Variants in EPN1 observed in about 807,000 individuals in gnomAD.
The protein encoded by EPN1 is epsin 1.
Under a neutral mutation model 56.9 loss-of-function variants are expected in EPN1, and 25 were observed. The observed-to-expected ratio is 0.44, with a 90% CI of 0.32 to 0.61. The LOEUF (loss-of-function observed/expected upper bound fraction) is 0.61. Among genes scored for constraint, EPN1 ranks in the 20% least tolerant of loss-of-function variants. The probability of loss-of-function intolerance (pLI) is 0.05; values close to 1 mark genes in which losing one functional copy is unlikely to be tolerated. For missense variants in EPN1, 785 were observed against 823.7 expected (o/e 0.95, Z 0.58); for synonymous variants, 411 against 361.8 (o/e 1.14, Z -1.54).
chr19:55,693,234 G>T lies in EPN1; in HGVS notation c.1264+197G>T, dbSNP rs1022778741. ...TGTGCATCTTTATTTTAGAGAAATT[G>T]CAGACTTAGAGAAAAACTGAGAATT... On this transcript the variant is annotated intron_variant, in intron 9 of 10. Transcript: ENST00000270460. 1.8e-5 allele frequency: 10 copies of T among 566,248 alleles called. No homozygotes were observed. In the Admixed American group the frequency reaches 1.9e-4, roughly 11 times the overall value. 35.1% of individuals were successfully genotyped at this position (566,248 alleles called of 1,614,324 possible). A position where few individuals can be genotyped will look rare whatever the true frequency, so the allele number is the denominator to read the frequency against.
In EPN1 at chr19:55,705,641, CCTTT is replaced by C. The variant is rs1001296890; in HGVS notation, c.*10289_*10292del. ...TCCAGCATGGACAACAGAGCAAGAC[CCTTT>C]CTTAGAAAAAAGAAAAGTATCCCCG... On this transcript the variant is annotated 3_prime_UTR_variant, in exon 11 of 11. Coordinates refer to ENST00000270460, the MANE Select transcript of EPN1 (RefSeq NM_001130072.2). The C allele has an allele frequency of 4.6e-5, 7 of 152,004 alleles. No individual in the cohort carries two copies. The highest frequency in any genetic ancestry group is 1.7e-4 in the African/African-American group (7 of 41,452). 9.4% of individuals were successfully genotyped at this position (152,004 alleles called of 1,614,324 possible). A position where few individuals can be genotyped will look rare whatever the true frequency, so the allele number is the denominator to read the frequency against.
At chr19:55,675,900 A>G (rs186461890) in intron 1 of EPN1, among the ~76,000 whole-genome samples, 6 of 151,862 alleles carry the variant, frequency 4.0e-5, no homozygotes, top group Admixed American at 2.0e-4. Flanking sequence ...CCCCATACCT[A>G]TCACCTCCAA....
At position 55,693,024 on chromosome 19, in the gene EPN1, C is replaced by T. The variant is rs534147071; in HGVS notation, c.1251C>T (p.Ser417=). The change falls in exon 9 of 11, where the codon TCC becomes TCT. Residue 417 remains serine (S), a synonymous_variant. Transcript: ENST00000270460. The part of the protein sequence containing the change: ...FDRLRTALPT[S]GSSAGELELL... ...GACTCCGCACGGCACTGCCGACCTCCGGGAGCAGCGCAGGTGAGCCCCTGC... is the reference window on the plus strand; with the variant it reads ...GACTCCGCACGGCACTGCCGACCTCTGGGAGCAGCGCAGGTGAGCCCCTGC... 1.9e-4 allele frequency: 299 copies of T among 1,612,920 alleles called. No homozygotes were observed. The highest frequency in any genetic ancestry group is 2.3e-4 in the Non-Finnish European group (269 of 1,179,436).
chr19:55,706,283 C>CTTTTTTTTTTTTTTTTTTTTTT lies in EPN1; in HGVS notation c.*10943_*10944insTTTTTTTTTTTTTTTTTTTTTT. 8.4e-6 allele frequency: 1 copy of CTTTTTTTTTTTTTTTTTTTTTT among 118,350 alleles called. No individual in the cohort carries two copies. Among genetic ancestry groups the CTTTTTTTTTTTTTTTTTTTTTT allele is most frequent in the African/African-American group, 3.3e-5 (1 of 30,466 alleles). 7.3% of individuals were successfully genotyped at this position (118,350 alleles called of 1,614,324 possible). On this transcript the variant is annotated 3_prime_UTR_variant, in exon 11 of 11. Coordinates refer to ENST00000270460, the MANE Select transcript of EPN1 (RefSeq NM_001130072.2). The stretch of plus-strand genomic sequence containing the variant: ...CTTCCTTTCTTCTCTTTTTCTTCTT[C>CTTTTTTTTTTTTTTTTTTTTTT]TTTTTTTTTTTTTTTTAAAAGACCG...
chr19:55,695,101 C>T lies in EPN1; in HGVS notation c.1523-47C>T. 6.2e-7 allele frequency: 1 copy of T among 1,611,630 alleles called. No homozygotes were observed. The highest frequency in any genetic ancestry group is 8.5e-7 in the Non-Finnish European group (1 of 1,178,466). ...CACATGCTGGATGGACACAGGTGGG[C>T]TGCGCCACTGACTCCACTCCGTGTC... On this transcript the variant is annotated intron_variant, in intron 10 of 10. Transcript: ENST00000270460. The surrounding 1 kb of genome is among the most constrained non-coding windows in gnomAD (Gnocchi z 4.4).
chr19:55,685,626 G>A lies in EPN1; in HGVS notation c.459G>A (p.Lys153=). ...CGCACGCGCTCAAGACCAAGGAAAA[G>A]CTGGCACAGACCGCCACGGGTGAGT... ...ERAHALKTKE[K]LAQTATASSA... is the part of the protein sequence containing the mutation. The change falls in exon 3 of 11, where the codon AAG becomes AAA. Residue 153 remains lysine, a synonymous_variant. Transcript: ENST00000270460. 1 of 1,600,496 alleles carries A rather than the reference G, an allele frequency of 6.2e-7. No individual in the cohort carries two copies.
chr19:55,677,732 T>C lies in EPN1; in HGVS notation c.-101-795T>C, dbSNP rs375326620. The C allele has an allele frequency of 5.8e-6, 9 of 1,543,222 alleles. No individual in the cohort carries two copies. In the African/African-American group the frequency reaches 1.1e-4, roughly 19 times the overall value. On this transcript the variant is annotated intron_variant, in intron 1 of 10. Transcript: ENST00000270460. ...GCTTCCCCGGTTCTTCCTGCCGCCC[T>C]GGGTTGGTTCCCTGCTCCTGCCTCT...
rs574961686 is a variant in EPN1 at position 55,703,325 on chromosome 19, CTT to C, written c.*7976_*7977del. 6.6e-6 allele frequency: 1 copy of C among 151,650 alleles called. No individual in the cohort carries two copies. Among genetic ancestry groups the C allele is most frequent in the African/African-American group, 2.4e-5 (1 of 41,200 alleles). 9.4% of individuals were successfully genotyped at this position (151,650 alleles called of 1,614,324 possible). A position where few individuals can be genotyped will look rare whatever the true frequency, so the allele number is the denominator to read the frequency against. ...TGGTTGGGACAGTCGGGGATTCTCA[CTT>C]TTTTTTAAAATTTGAGATGGAGTTT... is the stretch of plus-strand genomic sequence containing the variant. On this transcript the variant is annotated 3_prime_UTR_variant, in exon 11 of 11. Coordinates refer to ENST00000270460, the MANE Select transcript of EPN1 (RefSeq NM_001130072.2).
chr19:55,677,266 C>CCCAGA, intron 1 of EPN1: 3 of 1,080,760 alleles, frequency 2.8e-6, no homozygotes, highest in Non-Finnish European at 4.2e-6. Flanking sequence ...TCAGTTTCCA[C>CCCAGA]CCTGTGAGGT....
rs57606788 is a variant in EPN1 at position 55,705,808 on chromosome 19, GATATATATAT to G, written c.*10463_*10472del. ...GTGGCTGGAATATTTGTTGTTGTGG[GATATATATAT>G]ATATATATATTTAGAGTGTTGTGGG... is the stretch of plus-strand genomic sequence containing the variant. On this transcript the variant is annotated 3_prime_UTR_variant, in exon 11 of 11. Transcript: ENST00000270460. The G allele has an allele frequency of 1.9e-5, 2 of 103,138 alleles. No homozygotes were observed. The highest frequency in any genetic ancestry group is 2.9e-4 in the East Asian group (1 of 3,438). The allele number at this position is 103,138 out of a possible 1,614,324, so 6.4% of individuals were successfully genotyped here.
At chr19:55,687,193 T>C (rs1016401348) in intron 3 of EPN1, among the ~76,000 whole-genome samples, 7 of 152,158 alleles carry the variant, frequency 4.6e-5, no homozygotes, top group African/African-American at 1.7e-4. Context: ...CATTGAAAAA[T>C]GTAAAGGCCT....
rs1361942270 is a variant in EPN1 at position 55,698,950 on chromosome 19, A to T, written c.*3594A>T. 6.6e-6 allele frequency: 1 copy of T among 152,030 alleles called. No individual in the cohort carries two copies. Among genetic ancestry groups the T allele is most frequent in the Non-Finnish European group, 1.5e-5 (1 of 68,020 alleles). The allele number at this position is 152,030 out of a possible 1,614,324, so 9.4% of individuals were successfully genotyped here. ...TTTTTAGTACAGACGGGGTTTCACCATGTTAGGATGGTCTCGATCTCCTGA... is the reference window on the plus strand; with the variant it reads ...TTTTTAGTACAGACGGGGTTTCACCTTGTTAGGATGGTCTCGATCTCCTGA... On this transcript the variant is annotated 3_prime_UTR_variant, in exon 11 of 11. Transcript: ENST00000270460.
rs1349430303 is a variant in EPN1 at position 55,688,943 on chromosome 19, G to A, written c.552G>A (p.Glu184=). ...EQAWPQSSGE[E]ELQLQLALAM... ...CGTGGCCGCAGAGCAGCGGGGAGGA[G>A]GAGCTGCAGCTCCAGCTGGCCCTGG... Residue 184 remains glutamate, a synonymous_variant, in exon 4 of 11, where the codon GAG becomes GAA. Transcript: ENST00000270460. The A allele has an allele frequency of 6.3e-7, 1 of 1,598,326 alleles. No individual in the cohort carries two copies. The highest frequency in any genetic ancestry group is 1.3e-5 in the African/African-American group (1 of 74,862).
rs752139537 is a variant in EPN1 at position 55,678,524 on chromosome 19, C to G, written c.-101-3C>G. On this transcript the variant is annotated splice_polypyrimidine_tract_variant and splice_region_variant and intron_variant, in intron 1 of 10. Transcript: ENST00000270460. The stretch of plus-strand genomic sequence containing the variant: ...GTTTCCAGAGGTCCTCTTCCCCTCG[C>G]AGATGCGGTGACCTGCCAGCACCTG... 2.7e-5 allele frequency: 41 copies of G among 1,539,704 alleles called. No individual in the cohort carries two copies. Among genetic ancestry groups the G allele is most frequent in the Non-Finnish European group, 3.5e-5 (40 of 1,145,470 alleles).
In EPN1 at chr19:55,708,112, A is replaced by G. The variant is rs1019034037; in HGVS notation, c.*12756A>G. 5 of 152,250 alleles carry G rather than the reference A, an allele frequency of 3.3e-5. No homozygotes were observed. The highest frequency in any genetic ancestry group is 5.9e-5 in the Non-Finnish European group (4 of 68,054). The allele number at this position is 152,250 out of a possible 1,614,324, so 9.4% of individuals were successfully genotyped here. A position where few individuals can be genotyped will look rare whatever the true frequency, so the allele number is the denominator to read the frequency against. On this transcript the variant is annotated 3_prime_UTR_variant, in exon 11 of 11. Transcript: ENST00000270460. ...GAAAATTCAGCCTCCCAAATATCCA[A>G]AGAATCCAGGAGTGTGCCAAGAGAT...
intron 9 of EPN1, chr19:55,693,371 C>T (rs1037002785): frequency 1.6e-5 from 4 of 246,018 alleles, no homozygotes; most frequent in African/African-American, 6.7e-5. Flanking sequence ...CTGTCTTGTC[C>T]TGTGCAGTGA....
rs535760498 is a variant in EPN1, at chr19:55,706,732, A to C, written c.*11376A>C. 2.0e-5 allele frequency: 3 copies of C among 151,710 alleles called. No homozygotes were observed. Among genetic ancestry groups the C allele is most frequent in the African/African-American group, 7.3e-5 (3 of 41,356 alleles). The allele number at this position is 151,710 out of a possible 1,614,324, so 9.4% of individuals were successfully genotyped here. On this transcript the variant is annotated 3_prime_UTR_variant, in exon 11 of 11. Coordinates refer to ENST00000270460, the MANE Select transcript of EPN1 (RefSeq NM_001130072.2). Reference sequence around the variant, plus strand: ...AGAGATTTAAAAAACAATAGTAAAGAGAGATTAAAAAAAAAAAGTAAATGG... The same window carrying C: ...AGAGATTTAAAAAACAATAGTAAAGCGAGATTAAAAAAAAAAAGTAAATGG...
rs1335869079 is a variant in EPN1, at chr19:55,693,033, C to A, written c.1260C>A (p.Ser420Arg). Reference sequence around the variant, plus strand: ...CGGCACTGCCGACCTCCGGGAGCAGCGCAGGTGAGCCCCTGCCCTCCCCTG... The same window carrying A: ...CGGCACTGCCGACCTCCGGGAGCAGAGCAGGTGAGCCCCTGCCCTCCCCTG... ...LRTALPTSGSSAGELELLAGE... is the reference protein window; with the variant it reads ...LRTALPTSGSRAGELELLAGE... Residue 420 changes from serine to arginine, a missense_variant, in exon 9 of 11, where the codon AGC (serine) becomes AGA (arginine). This residue lies in a region of EPN1 where 650 missense variants were observed against 605.0 expected (regional missense o/e 1.07). Transcript: ENST00000270460. The A allele has an allele frequency of 3.1e-6, 5 of 1,612,390 alleles. No individual in the cohort carries two copies. In the African/African-American group the frequency reaches 6.7e-5, roughly 22 times the overall value.
rs1986130673 is a variant in EPN1, at chr19:55,685,769, T to G, written c.478+124T>G. ...AGGGACCGCGGCATCCCCCTTTGCT[T>G]CTCCTCACCTGGGCCCCTTGCTCTG... On this transcript the variant is annotated intron_variant, in intron 3 of 10. Transcript: ENST00000270460. 5 of 1,263,192 alleles carry G rather than the reference T, an allele frequency of 4.0e-6. No homozygotes were observed. The Admixed American group carries it at 1.1e-4, about 27-fold the overall frequency. 78.2% of individuals were successfully genotyped at this position (1,263,192 alleles called of 1,614,324 possible). A position where few individuals can be genotyped will look rare whatever the true frequency, so the allele number is the denominator to read the frequency against.
Sources: gnomAD v4.1 joint callset for allele counts (sites outside exome capture counted in the v4.1 genomes callset) on GRCh38, gnomAD v4.1.1 for gene constraint, gnomAD v4.1.1 regional missense constraint, Gnocchi (gnomAD v3.1) non-coding constraint, MANE v1.5 for transcripts, NCBI Gene and HGNC (gene_info 2026-07-23, HGNC 2026-07-21) for gene names.